Variants in SLC24A3 observed in about 807,000 individuals in gnomAD.
SLC24A3 encodes sodium/potassium/calcium exchanger 3.
In SLC24A3, 28 loss-of-function variants were observed where a neutral mutation model predicts 75.8. The observed-to-expected ratio is 0.37, with a 90% CI of 0.27 to 0.51. The LOEUF is 0.51. Ranked by LOEUF, SLC24A3 falls within the 20% of genes least tolerant of loss-of-function variation. SLC24A3 has a pLI of 0.94. For synonymous variants in SLC24A3, 372 were observed against 334.1 expected (o/e 1.11, Z -1.24); for missense variants, 663 against 847.8 (o/e 0.78, Z 2.71).
At chr20:19,353,114 A>G (rs1428115620) in intron 2 of SLC24A3, among the ~76,000 whole-genome samples, 1 of 152,232 alleles carries the variant, frequency 6.6e-6, no homozygotes, top group African/African-American at 2.4e-5. Flanking sequence ...ATAGTAGGCT[A>G]TACTAGCTAG....
chr20:19,281,512 C>T (rs191618020), intron 2 of SLC24A3, among the ~76,000 whole-genome samples: 23 of 152,204 alleles, frequency 1.5e-4, no homozygotes, highest in Middle Eastern at 3.4e-3. Flanking sequence ...TCGTCACTCA[C>T]GATGTTGAAC....
chr20:19,385,407 G>C (rs934209458), intron 2 of SLC24A3, among the ~76,000 whole-genome samples: 2 of 152,088 alleles, frequency 1.3e-5, no homozygotes, highest in Non-Finnish European at 2.9e-5. Context: ...TTCTTTCCCC[G>C]TTGTGTGTTC....
At chr20:19,537,528 C>T (rs1380248147) in intron 3 of SLC24A3, among the ~76,000 whole-genome samples, 4 of 151,946 alleles carry the variant, frequency 2.6e-5, no homozygotes, top group African/African-American at 7.3e-5. Flanking sequence ...CATTACTGGG[C>T]ATATACCCAA....
intron 2 of SLC24A3, among the ~76,000 whole-genome samples, chr20:19,493,118 G>A (rs1988231625): frequency 1.3e-5 from 2 of 152,224 alleles, no homozygotes; most frequent in Non-Finnish European, 2.9e-5. Context: ...CGTTGCCATG[G>A]TGACAGGAAT....
At chr20:19,645,708 A>G (rs1179278914) in intron 6 of SLC24A3, among the ~76,000 whole-genome samples, 1 of 152,198 alleles carries the variant, frequency 6.6e-6, no homozygotes, top group East Asian at 1.9e-4. Flanking sequence ...CAACTATTTC[A>G]ACTAACAAGA....
intron 12 of SLC24A3, among the ~76,000 whole-genome samples, chr20:19,689,593 AAATG>A (rs1482458184): frequency 3.3e-5 from 5 of 152,244 alleles, no homozygotes; most frequent in Admixed American, 3.3e-4. Context: ...GATATTTATT[AAATG>A]AATGAATGAA....
chr20:19,680,158 GTGTC>G (rs1301938421), intron 9 of SLC24A3, among the ~76,000 whole-genome samples: 4 of 148,856 alleles, frequency 2.7e-5, no homozygotes, highest in African/African-American at 7.5e-5. Flanking sequence ...GTGTCTGTGT[GTGTC>G]TGTGTGTCTC....
chr20:19,231,591 G>T (rs944115578), intron 1 of SLC24A3, among the ~76,000 whole-genome samples: 1 of 152,200 alleles, frequency 6.6e-6, no homozygotes. Flanking sequence ...ACAAGGCAAG[G>T]CTGCAGATTC....
intron 2 of SLC24A3, among the ~76,000 whole-genome samples, chr20:19,310,445 A>G (rs1210419056): frequency 6.6e-6 from 1 of 152,248 alleles, no homozygotes; most frequent in African/African-American, 2.4e-5. Flanking sequence ...GGTGTATGAA[A>G]TAAAAATCAA....
intron 6 of SLC24A3, among the ~76,000 whole-genome samples, chr20:19,599,407 T>A (rs1475639752): frequency 6.6e-6 from 1 of 151,934 alleles, no homozygotes; most frequent in Admixed American, 6.6e-5. Flanking sequence ...ACGGCGTGTG[T>A]GATGCGGTCC....
intron 3 of SLC24A3, 121 bp from the exon 4 acceptor site, chr20:19,579,879 G>A (rs2031194469): frequency 1.4e-6 from 1 of 713,518 alleles, no homozygotes; most frequent in Non-Finnish European, 2.4e-6. Flanking sequence ...GAAAGACTTG[G>A]TATTTAAGGT....
intron 2 of SLC24A3, among the ~76,000 whole-genome samples, chr20:19,451,744 T>A (rs768321134): frequency 2.0e-4 from 31 of 152,236 alleles, no homozygotes; most frequent in Admixed American, 1.4e-3. Context: ...CTCTGTCTCT[T>A]CCTGGTGTTG....
intron 2 of SLC24A3, among the ~76,000 whole-genome samples, chr20:19,384,210 A>G (rs1280794647): frequency 6.6e-6 from 1 of 152,192 alleles, no homozygotes; most frequent in Non-Finnish European, 1.5e-5. Context: ...CTACTCTCTT[A>G]TCAAATTTCA....
chr20:19,258,692 ACTCTGT>A (rs140688118), intron 1 of SLC24A3, among the ~76,000 whole-genome samples: 3,100 of 152,232 alleles, frequency 0.02, 115 homozygotes, highest in African/African-American at 0.071. Flanking sequence ...ACAGAGTGAG[ACTCTGT>A]CTCCAAATAA....
intron 2 of SLC24A3, among the ~76,000 whole-genome samples, chr20:19,508,814 G>A (rs776386856): frequency 2.2e-4 from 33 of 152,236 alleles, no homozygotes; most frequent in South Asian, 4.1e-4. Context: ...AGGCTGCTCC[G>A]TTCTCCCTGC....
intron 3 of SLC24A3, among the ~76,000 whole-genome samples, chr20:19,532,153 G>C (rs934611804): frequency 2.0e-5 from 3 of 152,182 alleles, no homozygotes; most frequent in Non-Finnish European, 2.9e-5. Context: ...CTCAGCTTTT[G>C]ATCTAGACGA....
In SLC24A3 at chr20:19,350,118, A is replaced by T. The variant is rs575697214; in HGVS notation, c.271+69031A>T. ...GTAGCTCTACCTTAAGCCAGGGATT[A>T]CTGAGAGTTACCCACTCTGCTATTT... On this transcript the variant is annotated intron_variant, in intron 2 of 16. Coordinates refer to ENST00000328041, the MANE Select transcript of SLC24A3 (RefSeq NM_020689.4). 2.0e-5 allele frequency among the ~76,000 whole-genome samples: 3 copies of T among 152,348 alleles called. No homozygotes were observed. The East Asian group carries it at 5.8e-4, about 29-fold the overall frequency.
chr20:19,433,617 A>G lies in SLC24A3; in HGVS notation c.272-81871A>G, dbSNP rs113990341. Among the ~76,000 whole-genome samples, 475 of 152,330 alleles carry G rather than the reference A, an allele frequency of 3.1e-3. 3 individuals carry two copies. The highest frequency in any genetic ancestry group is 0.011 in the African/African-American group (447 of 41,570). ...TGGAATTTGGTAAGAGTGACTCAGT[A>G]GAGACTCTCACTTTGAAAAAATATA... On this transcript the variant is annotated intron_variant, in intron 2 of 16. Coordinates refer to ENST00000328041, the MANE Select transcript of SLC24A3 (RefSeq NM_020689.4).
intron 1 of SLC24A3, among the ~76,000 whole-genome samples, chr20:19,241,966 G>C (rs1982342398): frequency 6.6e-6 from 1 of 152,202 alleles, no homozygotes; most frequent in East Asian, 1.9e-4. Flanking sequence ...CAGCGAGTCT[G>C]AATGCCTCCC....
Sources: allele counts gnomAD v4.1 joint callset (sites outside exome capture counted in the v4.1 genomes callset), GRCh38; gene constraint gnomAD v4.1.1; transcripts MANE v1.5; gene names NCBI Gene and HGNC (gene_info 2026-07-23, HGNC 2026-07-21).